SLC35F3: variants seen among roughly 807,000 people sequenced by gnomAD.
The protein encoded by SLC35F3 is putative thiamine transporter SLC35F3.
SLC35F3 carries 25 observed loss-of-function variants against 49.9 expected under a neutral mutation model. That is an observed-to-expected ratio of 0.50 (90% CI 0.37 to 0.70). The LOEUF (loss-of-function observed/expected upper bound fraction) is 0.70, where lower values mean the gene tolerates loss of function less well. SLC35F3 is among the 30% of genes least tolerant of loss of function. The pLI is 0.00. For synonymous variants in SLC35F3, 275 were observed against 265.4 expected (o/e 1.04, Z -0.35); for missense variants, 525 against 639.8 (o/e 0.82, Z 1.94).
At chr1:234,239,379 A>C (rs1667519833) in intron 3 of SLC35F3, among the ~76,000 whole-genome samples, 1 of 152,166 alleles carries the variant, frequency 6.6e-6, no homozygotes, top group Admixed American at 6.5e-5. Context: ...AATGTAAGAA[A>C]TGTGGAGCCA....
intron 2 of SLC35F3, among the ~76,000 whole-genome samples, chr1:234,222,870 A>G (rs1390701960): frequency 6.6e-6 from 1 of 152,242 alleles, no homozygotes; most frequent in African/African-American, 2.4e-5. Context: ...AGCAGCACCA[A>G]AACATCACCA....
At chr1:234,189,359 G>C (rs980961335) in intron 2 of SLC35F3, among the ~76,000 whole-genome samples, 1 of 151,062 alleles carries the variant, frequency 6.6e-6, no homozygotes, top group Non-Finnish European at 1.5e-5. Flanking sequence ...GAGATAGATA[G>C]CATAAATAAA....
intron 7 of SLC35F3, among the ~76,000 whole-genome samples, chr1:234,322,629 A>T (rs1045303573): frequency 6.8e-6 from 1 of 147,410 alleles, no homozygotes; most frequent in Admixed American, 6.8e-5. Context: ...GTTCAAACCC[A>T]TGTTGTTCAA....
chr1:234,171,807 A>T (rs1385475178), intron 2 of SLC35F3, among the ~76,000 whole-genome samples: 4 of 152,244 alleles, frequency 2.6e-5, no homozygotes, highest in Non-Finnish European at 5.9e-5. Flanking sequence ...GCAAAGAGCT[A>T]GAAGGAACAT....
intron 2 of SLC35F3, among the ~76,000 whole-genome samples, chr1:234,071,354 T>C (rs754826161): frequency 5.9e-5 from 9 of 152,196 alleles, no homozygotes; most frequent in Non-Finnish European, 8.8e-5. Flanking sequence ...GGTGCTTCTT[T>C]TAGAACCATT....
chr1:234,142,297 C>T (rs945524529), intron 2 of SLC35F3, among the ~76,000 whole-genome samples: 1 of 152,172 alleles, frequency 6.6e-6, no homozygotes, highest in African/African-American at 2.4e-5. Context: ...GACCATGGAA[C>T]TAATCAGTGG....
intron 2 of SLC35F3, among the ~76,000 whole-genome samples, chr1:234,103,417 G>A (rs1665241203): frequency 6.6e-6 from 1 of 152,164 alleles, no homozygotes; most frequent in Non-Finnish European, 1.5e-5. Flanking sequence ...TGAGGTGGCC[G>A]AGTCCACAGG....
intron 4 of SLC35F3, among the ~76,000 whole-genome samples, chr1:234,314,176 ATGAAC>A (rs2102996318): frequency 6.6e-6 from 1 of 152,296 alleles, no homozygotes; most frequent in South Asian, 2.1e-4. Flanking sequence ...GCCTGTCAGA[ATGAAC>A]TGATGGGGTG....
chr1:233,973,778 G>A (rs571807835), intron 2 of SLC35F3, among the ~76,000 whole-genome samples: 2 of 152,206 alleles, frequency 1.3e-5, no homozygotes, highest in South Asian at 2.1e-4. Context: ...TAATCTTAAT[G>A]AAACTTTTAT....
intron 2 of SLC35F3, among the ~76,000 whole-genome samples, chr1:233,964,521 A>C (rs1016969285): frequency 6.6e-6 from 1 of 152,234 alleles, no homozygotes; most frequent in Non-Finnish European, 1.5e-5. Flanking sequence ...ACAAGAAGTT[A>C]AATATGGAGC....
chr1:234,316,877 C>A, intron 5 of SLC35F3, 150 bp downstream of exon 5: 1 of 1,051,652 alleles, frequency 9.5e-7, no homozygotes, highest in Non-Finnish European at 1.3e-6. Context: ...GTCAACTGTG[C>A]AACAGGCAGA....
At chr1:234,125,852 G>A (rs1048379949) in intron 2 of SLC35F3, among the ~76,000 whole-genome samples, 3 of 152,128 alleles carry the variant, frequency 2.0e-5, no homozygotes, top group African/African-American at 7.2e-5. Flanking sequence ...CACAACCCTC[G>A]GACCCCTCGT....
At chr1:234,098,835 A>T (rs1051006111) in intron 2 of SLC35F3, among the ~76,000 whole-genome samples, 30 of 117,628 alleles carry the variant, frequency 2.6e-4, no homozygotes, top group Non-Finnish European at 4.5e-4. Context: ...GGAGGTGGTG[A>T]CTATGTTGGT....
At chr1:234,092,793 A>G (rs1665063534) in intron 2 of SLC35F3, among the ~76,000 whole-genome samples, 1 of 152,152 alleles carries the variant, frequency 6.6e-6, no homozygotes, top group South Asian at 2.1e-4. Context: ...ACTTGAGCCC[A>G]GGAGTTCGAG....
At chr1:234,235,917 A>C (rs1667460101) in intron 3 of SLC35F3, among the ~76,000 whole-genome samples, 1 of 152,156 alleles carries the variant, frequency 6.6e-6, no homozygotes, top group Non-Finnish European at 1.5e-5. Context: ...GGCCATTTAA[A>C]ATCTAAAGAG....
At chr1:234,201,338 G>A (rs549645962) in intron 2 of SLC35F3, among the ~76,000 whole-genome samples, 3 of 152,336 alleles carry the variant, frequency 2.0e-5, no homozygotes, top group Admixed American at 6.5e-5. Context: ...ATGCTAACAA[G>A]TTAAGCTGAC....
chr1:233,982,555 G>A (rs1195563082), intron 2 of SLC35F3, among the ~76,000 whole-genome samples: 2 of 152,056 alleles, frequency 1.3e-5, no homozygotes, highest in Non-Finnish European at 2.9e-5. Flanking sequence ...TGTATTTTTA[G>A]TGGAGATGGG....
At chr1:234,188,251 A>G (rs1666676789) in intron 2 of SLC35F3, among the ~76,000 whole-genome samples, 1 of 151,796 alleles carries the variant, frequency 6.6e-6, no homozygotes, top group Admixed American at 6.6e-5. Flanking sequence ...AAAAAAAAAA[A>G]AGTCCTGCTT....
intron 2 of SLC35F3, among the ~76,000 whole-genome samples, chr1:234,114,988 G>A (rs988839188): frequency 3.7e-4 from 57 of 152,230 alleles, no homozygotes; most frequent in African/African-American, 1.3e-3. Flanking sequence ...ATTAAAATAT[G>A]GTAGAAAGGT....
Sources: allele counts gnomAD v4.1 joint callset (sites outside exome capture counted in the v4.1 genomes callset), GRCh38; gene constraint gnomAD v4.1.1; transcripts MANE v1.5; gene names NCBI Gene and HGNC (gene_info 2026-07-23, HGNC 2026-07-21).